Variants in HDAC7 observed in about 807,000 individuals in gnomAD.
HDAC7 encodes histone deacetylase 7, also known as histone deacetylase 7A.
A neutral mutation model predicts 115.5 loss-of-function variants in HDAC7; 26 were observed. That is an observed-to-expected ratio of 0.23 (90% confidence interval 0.16 to 0.31). The LOEUF (loss-of-function observed/expected upper bound fraction) is 0.31. HDAC7 is among the 10% of genes least tolerant of loss of function. HDAC7 has a pLI of 1.00. For synonymous variants in HDAC7, 564 were observed against 550.9 expected (o/e 1.02, Z -0.33); for missense variants, 1,068 against 1,329.0 (o/e 0.80, Z 3.05).
At chr12:47,790,878 G>T (rs1943456620) in intron 16 of HDAC7, 1 of 303,684 alleles carries the variant, frequency 3.3e-6, no homozygotes, top group African/African-American at 2.2e-5. Flanking sequence ...CTGGGGACCA[G>T]GCTGAGGTAC....
intron 1 of HDAC7, among the ~76,000 whole-genome samples, chr12:47,812,329 C>T (rs1011625509): frequency 2.0e-5 from 3 of 152,220 alleles, no homozygotes; most frequent in African/African-American, 7.2e-5. Flanking sequence ...TTTCTGTGAA[C>T]TGGGGCTAGG....
At chr12:47,784,007 C>G in intron 25 of HDAC7, 72 bp downstream of exon 25, 1 of 1,602,562 alleles carries the variant, frequency 6.2e-7, no homozygotes, top group Non-Finnish European at 8.5e-7. Flanking sequence ...CATAGCGGAC[C>G]CGGGGTCTTC....
chr12:47,799,054 C>T (rs1263750269), intron 2 of HDAC7, 82 bp from the exon 3 acceptor site: 1 of 986,502 alleles, frequency 1.0e-6, no homozygotes, highest in African/African-American at 1.7e-5. Flanking sequence ...CCTCAGCCTC[C>T]CTCAGGCTCA....
Position 47,803,629 on chromosome 12 carries a change from C to T in HDAC7, c.20-1355G>A, listed in dbSNP as rs966520318. On this transcript the variant is annotated intron_variant, in intron 1 of 25. Coordinates refer to ENST00000080059, the MANE Select transcript of HDAC7 (RefSeq NM_015401.5). The surrounding 1 kb of genome is among the most constrained non-coding windows in gnomAD (Gnocchi z 4.0). ...CACAGCACTCGCTCTGTGTCTACCA[C>T]CTTGACACTTCATTCATCATGATCT... Among the ~76,000 whole-genome samples, 3 of 152,230 alleles carry T rather than the reference C, an allele frequency of 2.0e-5. No individual in the cohort carries two copies. The highest frequency in any genetic ancestry group is 7.2e-5 in the African/African-American group (3 of 41,458).
chr12:47,814,081 T>A (rs1944778812), intron 1 of HDAC7, among the ~76,000 whole-genome samples: 1 of 152,128 alleles, frequency 6.6e-6, no homozygotes, highest in African/African-American at 2.4e-5. Context: ...GTAGAGCCCG[T>A]GTCTTGAATC....
In HDAC7 at chr12:47,798,355, C is replaced by G. The variant is rs1399592984; in HGVS notation, c.350-136G>C. 2.5e-6 allele frequency: 2 copies of G among 799,932 alleles called. No homozygotes were observed. The highest frequency in any genetic ancestry group is 4.1e-6 in the Non-Finnish European group (2 of 482,432). 49.6% of individuals were successfully genotyped at this position (799,932 alleles called of 1,614,324 possible). ...CCTAGGCAAGAGCCAAGCCCGAGGC[C>G]CTACCCCTCCCTAGAGCCTCCAGAC... On this transcript the variant is annotated intron_variant, in intron 4 of 25. Coordinates refer to ENST00000080059, the MANE Select transcript of HDAC7 (RefSeq NM_015401.5). The surrounding 1 kb of genome is among the most constrained non-coding windows in gnomAD (Gnocchi z 4.3).
intron 16 of HDAC7, chr12:47,790,135 A>G (rs1421695447): frequency 1.7e-6 from 1 of 572,654 alleles, no homozygotes; most frequent in African/African-American, 1.9e-5. Flanking sequence ...GCACCAGCCC[A>G]TTATCTGGCC....
chr12:47,796,111 C>G (rs1174491569), intron 8 of HDAC7, 95 bp from the exon 9 acceptor site: 2 of 1,507,898 alleles, frequency 1.3e-6, no homozygotes, highest in East Asian at 2.4e-5. Flanking sequence ...AGGGGCTGCC[C>G]AGACCCTGCA....
intron 1 of HDAC7, 181 bp from the exon 2 acceptor site, chr12:47,802,455 C>A (rs771074528): frequency 8.4e-6 from 13 of 1,551,138 alleles, no homozygotes; most frequent in Middle Eastern, 1.7e-4. Context: ...CTCCTCCAGT[C>A]CCCCTGCTGG....
chr12:47,791,085 G>A (rs768877268), intron 16 of HDAC7, 174 bp downstream of exon 16: 38 of 666,442 alleles, frequency 5.7e-5, no homozygotes, highest in East Asian at 2.4e-4. Context: ...TCCGAGACAC[G>A]CCTGTCCAAA....
At position 47,791,600 on chromosome 12, in the gene HDAC7, T is replaced by C; in HGVS notation, c.1919A>G (p.Asn640Ser). ...TAGGCCATTACCTGCCAGCTTCCCG[T>C]TGTCCAGTTTGAGGCGGCTGAGCGG... Reference protein sequence around the residue: ...TNPLSRLKLDNGKLAGLLAQR... With the variant: ...TNPLSRLKLDSGKLAGLLAQR... Residue 640 changes from asparagine (N) to serine (S), a missense_variant, in exon 15 of 26, where the codon AAC becomes AGC. By Grantham distance (46) the Asn-to-Ser change is conservative. Around this residue, in one of 6 missense-constraint regions of HDAC7, gnomAD observed 618 missense variants for 701.5 expected, o/e 0.88. Coordinates refer to ENST00000080059, the MANE Select transcript of HDAC7 (RefSeq NM_015401.5). The C allele has an allele frequency of 6.2e-7, 1 of 1,609,690 alleles. No individual in the cohort carries two copies. Among genetic ancestry groups the C allele is most frequent in the Non-Finnish European group, 8.5e-7 (1 of 1,178,000 alleles).
Position 47,795,256 on chromosome 12 carries a change from G to T in HDAC7, c.1212C>A (p.Ala404=), listed in dbSNP as rs766440010. The change falls in exon 11 of 26, where the codon GCC becomes GCA. Residue 404 remains alanine (A), a synonymous_variant. Coordinates refer to ENST00000080059, the MANE Select transcript of HDAC7 (RefSeq NM_015401.5). This position sits in a 1 kb window ranked among gnomAD's most constrained non-coding sequence, Gnocchi z 4.3. The stretch of plus-strand genomic sequence containing the variant: ...TGGGGCCCGGCGGTGGGGGAGCGGT[G>T]GCACTGGGGGGCAGGGGCTCTGAGC... The part of the protein sequence containing the change: ...RTRSEPLPPS[A]TAPPPPGPMQ... The T allele has an allele frequency of 7.3e-5, 117 of 1,611,602 alleles. No individual in the cohort carries two copies. Among genetic ancestry groups the T allele is most frequent in the Non-Finnish European group, 9.5e-5 (112 of 1,178,386 alleles).
chr12:47,787,680 G>C, intron 21 of HDAC7, 32 bp downstream of exon 21: 1 of 1,492,938 alleles, frequency 6.7e-7, no homozygotes, highest in Non-Finnish European at 9.2e-7. Flanking sequence ...GGAGAGGGTG[G>C]ACTTGCCCCT....
rs781663434 is a variant in HDAC7, at chr12:47,789,241, T to G, written c.2235+20A>C. The G allele has an allele frequency of 6.3e-7, 1 of 1,591,496 alleles. No homozygotes were observed. The highest frequency in any genetic ancestry group is 8.6e-7 in the Non-Finnish European group (1 of 1,159,876). On this transcript the variant is annotated intron_variant, in intron 19 of 25. Coordinates refer to ENST00000080059, the MANE Select transcript of HDAC7 (RefSeq NM_015401.5). ...CCCCCAGGGCTCTCGAATTGGAGGG[T>G]GCTACGGACAGGCACCTACCCAGTC...
intron 25 of HDAC7, 45 bp from the exon 26 acceptor site, chr12:47,783,931 A>T: frequency 6.2e-7 from 1 of 1,611,950 alleles, no homozygotes; most frequent in Non-Finnish European, 8.5e-7. Context: ...CCAGGGCTGC[A>T]GCAAGGGCCT....
In HDAC7 at chr12:47,798,269, T is replaced by C. The variant is rs907516568; in HGVS notation, c.350-50A>G. 3.5e-6 allele frequency: 5 copies of C among 1,413,600 alleles called. No individual in the cohort carries two copies. In the African/African-American group the frequency reaches 7.1e-5, roughly 20 times the overall value. 87.6% of individuals were successfully genotyped at this position (1,413,600 alleles called of 1,614,324 possible). On this transcript the variant is annotated intron_variant, in intron 4 of 25. Coordinates refer to ENST00000080059, the MANE Select transcript of HDAC7 (RefSeq NM_015401.5). The surrounding 1 kb of genome is among the most constrained non-coding windows in gnomAD (Gnocchi z 4.3). ...GCTGGAGGTGGGTGGACAGGCGGCC[T>C]CGTGGCACTACCTGGCCACTGCCCT...
chr12:47,798,034 G>T lies in HDAC7; in HGVS notation c.461+74C>A. ...CTGGGGAGGAAGGAGGCAAGTGTGT[G>T]TGCTCATGGCTAACACGGGGGCGGG... On this transcript the variant is annotated intron_variant, in intron 5 of 25. Transcript: ENST00000080059. The surrounding 1 kb of genome is among the most constrained non-coding windows in gnomAD (Gnocchi z 4.3). 1 of 1,055,344 alleles carries T rather than the reference G, an allele frequency of 9.5e-7. No individual in the cohort carries two copies. Among genetic ancestry groups the T allele is most frequent in the Non-Finnish European group, 1.5e-6 (1 of 672,354 alleles). 65.4% of individuals were successfully genotyped at this position (1,055,344 alleles called of 1,614,324 possible).
chr12:47,785,849 G>T lies in HDAC7; in HGVS notation c.2609C>A (p.Ala870Glu). 1 of 1,610,158 alleles carries T rather than the reference G, an allele frequency of 6.2e-7. No homozygotes were observed. The highest frequency in any genetic ancestry group is 8.5e-7 in the Non-Finnish European group (1 of 1,178,232). Residue 870 changes from alanine to glutamate, a missense_variant, in exon 23 of 26, where the codon GCA becomes GAA. By Grantham distance (107) the Ala-to-Glu change is moderately radical. Transcript: ENST00000080059. ...GYMTQQLMNL[A>E]GGAVVLALEG... is the part of the protein sequence containing the mutation. ...CAAGGCCAGCACCACTGCGCCTCCTGCCAGGTTCATCAGTTGCTGCGTCAT... is the reference window on the plus strand; with the variant it reads ...CAAGGCCAGCACCACTGCGCCTCCTTCCAGGTTCATCAGTTGCTGCGTCAT...
chr12:47,794,265 A>C (rs1483912527), intron 12 of HDAC7, among the ~76,000 whole-genome samples: 1 of 152,192 alleles, frequency 6.6e-6, no homozygotes, highest in South Asian at 2.1e-4. Flanking sequence ...CAACACCTCG[A>C]TTTTGACTTC....
Sources: gnomAD v4.1 joint callset for allele counts (sites outside exome capture counted in the v4.1 genomes callset) on GRCh38, gnomAD v4.1.1 for gene constraint, gnomAD v4.1.1 regional missense constraint, Gnocchi (gnomAD v3.1) non-coding constraint, MANE v1.5 for transcripts, NCBI Gene and HGNC (gene_info 2026-07-23, HGNC 2026-07-21) for gene names.